Variants in ATP2C2 observed in about 807,000 individuals in gnomAD.
ATP2C2 encodes ATPase secretory pathway Ca2+ transporting 2.
ATP2C2 carries 171 observed loss-of-function variants against 110.8 expected under a neutral mutation model. The ratio of observed to expected loss-of-function variants is 1.54; its 90% CI spans 1.36 to 1.75. The LOEUF is 1.75. Ranked by LOEUF, ATP2C2 falls within the 40% of genes most tolerant of loss-of-function variation. The pLI is 0.00. For missense variants in ATP2C2, 1,963 were observed against 1,235.0 expected (o/e 1.59, Z -8.84); for synonymous variants, 804 against 508.4 (o/e 1.58, Z -7.82).
At chr16:84,409,768 G>C (rs1906107236) in intron 4 of ATP2C2, among the ~76,000 whole-genome samples, 1 of 152,098 alleles carries the variant, frequency 6.6e-6, no homozygotes, top group African/African-American at 2.4e-5. Context: ...CTCCCAAATA[G>C]CTGGGATTGT....
In ATP2C2 at chr16:84,389,713, C is replaced by G. The variant is rs1380597704; in HGVS notation, c.100-8786C>G. On this transcript the variant is annotated intron_variant, in intron 1 of 26. Transcript: ENST00000262429. ...CTCTGTGCTGGGAACTTCACTCTCA[C>G]TGTTTCCTTTTTTTTTTTTTTTTTT... Among the ~76,000 whole-genome samples the G allele has an allele frequency of 2.2e-5, 3 of 137,206 alleles. No homozygotes were observed. The Admixed American group carries it at 2.5e-4, about 12-fold the overall frequency. 90.0% of individuals were successfully genotyped at this position (137,206 alleles called of 152,430 possible). A position where few individuals can be genotyped will look rare whatever the true frequency, so the allele number is the denominator to read the frequency against.
chr16:84,398,683 G>C (rs1276029187), intron 2 of ATP2C2, 74 bp downstream of exon 2: 1 of 1,189,294 alleles, frequency 8.4e-7, no homozygotes, highest in African/African-American at 1.6e-5. Flanking sequence ...ACAAAGCCCT[G>C]AACAGTGCTT....
intron 1 of ATP2C2, among the ~76,000 whole-genome samples, chr16:84,389,502 G>A (rs1219034522): frequency 2.0e-5 from 3 of 152,196 alleles, no homozygotes; most frequent in Non-Finnish European, 2.9e-5. Context: ...TGCGGTACTC[G>A]TGTATACTGG....
intron 2 of ATP2C2, among the ~76,000 whole-genome samples, chr16:84,399,353 A>T (rs1306428930): frequency 2.0e-5 from 3 of 152,206 alleles, no homozygotes; most frequent in African/African-American, 7.2e-5. Context: ...CTGCCTGCAT[A>T]TTATCCCTAG....
intron 1 of ATP2C2, among the ~76,000 whole-genome samples, chr16:84,377,203 T>C (rs190937380): frequency 6.6e-6 from 1 of 151,616 alleles, no homozygotes; most frequent in African/African-American, 2.4e-5. Context: ...TAGTGGAAGT[T>C]GTGTGCTAAG....
chr16:84,419,559 C>A (rs1907143548), intron 7 of ATP2C2, among the ~76,000 whole-genome samples: 1 of 152,194 alleles, frequency 6.6e-6, no homozygotes, highest in Admixed American at 6.5e-5. Context: ...GATTAGGATG[C>A]GGACATCATG....
chr16:84,450,366 A>C (rs1276481330), intron 17 of ATP2C2, among the ~76,000 whole-genome samples: 4 of 152,030 alleles, frequency 2.6e-5, no homozygotes, highest in African/African-American at 9.7e-5. Flanking sequence ...GAGGCCCCCA[A>C]CCTGCTAGAT....
At chr16:84,458,271 A>C (rs1386563506) in intron 21 of ATP2C2, among the ~76,000 whole-genome samples, 2 of 98,948 alleles carry the variant, frequency 2.0e-5, no homozygotes, top group African/African-American at 4.0e-5. Flanking sequence ...ACATATTCTC[A>C]CTCATAGGTG....
chr16:84,400,441 C>G (rs903398432), intron 2 of ATP2C2, among the ~76,000 whole-genome samples: 1 of 151,512 alleles, frequency 6.6e-6, no homozygotes, highest in African/African-American at 2.4e-5. Flanking sequence ...ATTCTTCTGT[C>G]TCAGCCTCCT....
Position 84,459,392 on chromosome 16 carries a change from G to A in ATP2C2, c.2333+6G>A, listed in dbSNP as rs1911031685. ...GATGGGCCACCGGCGCAGAGGTGAG[G>A]CAGGGCCGGCTGGGAGCCCTGTGTC... On this transcript the variant is annotated splice_donor_region_variant and intron_variant, in intron 23 of 26. Transcript: ENST00000262429. 6.2e-7 allele frequency: 1 copy of A among 1,613,232 alleles called. No individual in the cohort carries two copies. The highest frequency in any genetic ancestry group is 8.5e-7 in the Non-Finnish European group (1 of 1,179,164).
At chr16:84,372,885 C>G (rs1910036349) in intron 1 of ATP2C2, among the ~76,000 whole-genome samples, 1 of 151,824 alleles carries the variant, frequency 6.6e-6, no homozygotes, top group African/African-American at 2.4e-5. Context: ...CTTTGGGAGG[C>G]TGAGGCGTGC....
chr16:84,443,934 A>C (rs1279002104), intron 15 of ATP2C2, among the ~76,000 whole-genome samples: 4 of 152,194 alleles, frequency 2.6e-5, no homozygotes, highest in Non-Finnish European at 4.4e-5. Context: ...TAAGAGGCTA[A>C]GGCGGGAGGA....
chr16:84,416,285 G>A (rs1392288089), intron 7 of ATP2C2, among the ~76,000 whole-genome samples: 1 of 152,186 alleles, frequency 6.6e-6, no homozygotes, highest in Non-Finnish European at 1.5e-5. Flanking sequence ...ATTATCCTGG[G>A]TTCCCAAGAG....
In ATP2C2 at chr16:84,439,321, A is replaced by C. The variant is rs762036909; in HGVS notation, c.1111+31A>C. ...GGACTCCAGCTGGTGGAATCCTTAC[A>C]CGTGGAATTGAATGGGGGCTTGGCT... On this transcript the variant is annotated intron_variant, in intron 12 of 26. Coordinates refer to ENST00000262429, the MANE Select transcript of ATP2C2 (RefSeq NM_014861.4). 398 of 1,613,446 alleles carry C rather than the reference A, an allele frequency of 2.5e-4. 1 individual carries two copies. The highest frequency in any genetic ancestry group is 3.3e-4 in the Non-Finnish European group (390 of 1,179,956).
chr16:84,421,559 A>G (rs1409702474), intron 7 of ATP2C2, among the ~76,000 whole-genome samples: 2 of 152,110 alleles, frequency 1.3e-5, no homozygotes, highest in Non-Finnish European at 1.5e-5. Context: ...GGATAGGCCC[A>G]CCCAGCCCCG....
At chr16:84,453,632 G>T (rs543053655) in intron 20 of ATP2C2, among the ~76,000 whole-genome samples, 77 of 152,206 alleles carry the variant, frequency 5.1e-4, no homozygotes, top group Middle Eastern at 3.4e-3. Context: ...CAGCCCCTTG[G>T]CCAGAACACA....
At chr16:84,398,400 C>A in intron 1 of ATP2C2, 99 bp from the exon 2 acceptor site, 4 of 616,708 alleles carry the variant, frequency 6.5e-6, no homozygotes, top group South Asian at 7.8e-5. Flanking sequence ...AGTGAGACTC[C>A]ATCTCAAAAA....
chr16:84,397,074 G>A (rs1054138178), intron 1 of ATP2C2, among the ~76,000 whole-genome samples: 2 of 151,790 alleles, frequency 1.3e-5, no homozygotes, highest in African/African-American at 4.9e-5. Context: ...GTAACCTGGT[G>A]GAAAAGGAAA....
chr16:84,402,664 C>T (rs1345561943), intron 2 of ATP2C2, among the ~76,000 whole-genome samples: 1 of 152,136 alleles, frequency 6.6e-6, no homozygotes, highest in Non-Finnish European at 1.5e-5. Flanking sequence ...GATGAATTTT[C>T]ATTTTAATGT....
Sources: allele counts gnomAD v4.1 joint callset (sites outside exome capture counted in the v4.1 genomes callset), GRCh38; gene constraint gnomAD v4.1.1; transcripts MANE v1.5; gene names NCBI Gene and HGNC (gene_info 2026-07-23, HGNC 2026-07-21).